The following XRN1 variants were observed in gnomAD, a reference collection of about 807,000 sequenced individuals.
XRN1 encodes the protein 5'-3' exoribonuclease 1, also known as strand-exchange protein 1 homolog.
In XRN1, 67 loss-of-function variants were observed where a neutral mutation model predicts 222.3. The ratio of observed to expected loss-of-function variants is 0.30; its 90% CI spans 0.25 to 0.37. The LOEUF (loss-of-function observed/expected upper bound fraction) is 0.37. Ranked by LOEUF, XRN1 falls within the 10% of genes least tolerant of loss-of-function variation. The pLI is 1.00. For synonymous variants in XRN1, 643 were observed against 652.4 expected, an observed-to-expected ratio of 0.99 and a Z score of 0.22; for missense variants, 1,707 against 2,000.2, an observed-to-expected ratio of 0.85 and a Z score of 2.80.
intron 29 of XRN1, among the ~76,000 whole-genome samples, chr3:142,360,603 G>A (rs567593852): frequency 4.0e-5 from 6 of 151,850 alleles, no homozygotes; most frequent in East Asian, 1.9e-4. Flanking sequence ...AGTGGCTCAC[G>A]CCTGTAATCC....
intron 36 of XRN1, among the ~76,000 whole-genome samples, chr3:142,330,273 A>G (rs1042342413): frequency 3.3e-5 from 5 of 152,210 alleles, no homozygotes; most frequent in African/African-American, 4.8e-5. Context: ...CAATTCTTGC[A>G]ATTCCACCTT....
chr3:142,410,140 C>A (rs1300113206), intron 15 of XRN1, among the ~76,000 whole-genome samples: 1 of 152,172 alleles, frequency 6.6e-6, no homozygotes, highest in African/African-American at 2.4e-5. Flanking sequence ...TCCAGTAAAA[C>A]GTTAGAAAGA....
In XRN1 at chr3:142,390,987, A is replaced by G. The variant is rs188415196; in HGVS notation, c.2340-6302T>C. Among the ~76,000 whole-genome samples, 37 of 152,342 alleles carry G rather than the reference A, an allele frequency of 2.4e-4. 1 individual carries two copies. In the Middle Eastern group the frequency reaches 0.01, roughly 42 times the overall value. ...AGCAGTCAGCACACACACAACATTT[A>G]TTGATTAATTCACCATCTCAAATGG... On this transcript the variant is annotated intron_variant, in intron 20 of 40. Transcript: ENST00000392981.
intron 29 of XRN1, 98 bp downstream of exon 29, chr3:142,364,949 T>G: frequency 7.8e-7 from 1 of 1,287,546 alleles, no homozygotes; most frequent in African/African-American, 1.6e-5. Flanking sequence ...GTTCCTGATT[T>G]ATAGTCACTT....
rs146166736 is a variant in XRN1 at position 142,431,473 on chromosome 3, G to A, written c.308+1188C>T. ...AGGTAGGCAGATCACTTGAGGTCAG[G>A]AGTTCAAGACCAGCCTGGCCAACAG... On this transcript the variant is annotated intron_variant, in intron 2 of 40. Coordinates refer to ENST00000392981, the MANE Select transcript of XRN1 (RefSeq NM_001282857.2). 5.1e-3 allele frequency among the ~76,000 whole-genome samples: 780 copies of A among 152,076 alleles called. 9 individuals are homozygous for A. Among genetic ancestry groups the A allele is most frequent in the African/African-American group, 0.018 (758 of 41,480 alleles).
In XRN1 at chr3:142,401,108, A is replaced by G. The variant is rs190042631; in HGVS notation, c.2104-561T>C. ...TTGACTGTTTCATATCAAATAGTCA[A>G]TTATTTAAAACAGGATCTAAGAAAT... On this transcript the variant is annotated intron_variant, in intron 18 of 40. Coordinates refer to ENST00000392981, the MANE Select transcript of XRN1 (RefSeq NM_001282857.2). Among the ~76,000 whole-genome samples, 342 of 152,288 alleles carry G rather than the reference A, an allele frequency of 2.2e-3. 1 individual carries two copies. The highest frequency in any genetic ancestry group is 3.9e-3 in the South Asian group (19 of 4,818).
intron 30 of XRN1, among the ~76,000 whole-genome samples, chr3:142,358,351 TAA>T (rs1559813420): frequency 6.6e-6 from 1 of 152,210 alleles, no homozygotes; most frequent in Non-Finnish European, 1.5e-5. Flanking sequence ...CTTCTCTTGT[TAA>T]GTTTTCAACT....
intron 20 of XRN1, among the ~76,000 whole-genome samples, chr3:142,390,693 C>T (rs1374952322): frequency 2.0e-5 from 3 of 152,198 alleles, no homozygotes; most frequent in Non-Finnish European, 2.9e-5. Flanking sequence ...TGGAGTAGCA[C>T]TTTTGATTTC....
At chr3:142,411,979 T>C (rs1440613511) in intron 15 of XRN1, among the ~76,000 whole-genome samples, 1 of 151,894 alleles carries the variant, frequency 6.6e-6, no homozygotes, top group East Asian at 1.9e-4. Flanking sequence ...CCCGCCACCT[T>C]GCCCGGCTAA....
At chr3:142,315,037 T>TGATCCTCCTGCCTCAACC (rs1287510449) in intron 39 of XRN1, among the ~76,000 whole-genome samples, 4 of 139,016 alleles carry the variant, frequency 2.9e-5, no homozygotes, top group Non-Finnish European at 6.1e-5. Context: ...CAGGCTCAAC[T>TGATCCTCCTGCCTCAACC]GATCCTCCTG....
rs879079453 is a variant in XRN1 at position 142,384,745 on chromosome 3, G to A, written c.2340-60C>T. The A allele has an allele frequency of 1.2e-5, 15 of 1,298,540 alleles. No homozygotes were observed. The South Asian group carries it at 1.8e-4, about 16-fold the overall frequency. 80.4% of individuals were successfully genotyped at this position (1,298,540 alleles called of 1,614,324 possible). A position where few individuals can be genotyped will look rare whatever the true frequency, so the allele number is the denominator to read the frequency against. ...AATGAGTATGCAGATATTCTAGGAC[G>A]ATAATCGTCAACTATCGTAAACTAT... On this transcript the variant is annotated intron_variant, in intron 20 of 40. Coordinates refer to ENST00000392981, the MANE Select transcript of XRN1 (RefSeq NM_001282857.2).
At chr3:142,373,582 A>C (rs995283477) in intron 25 of XRN1, among the ~76,000 whole-genome samples, 1 of 152,238 alleles carries the variant, frequency 6.6e-6, no homozygotes, top group South Asian at 2.1e-4. Context: ...AAGGTGCTAA[A>C]AAGATTTCAG....
chr3:142,384,052 C>T (rs947627566), intron 21 of XRN1, among the ~76,000 whole-genome samples: 4 of 151,964 alleles, frequency 2.6e-5, no homozygotes, highest in East Asian at 1.9e-4. Flanking sequence ...GGGTGGATCA[C>T]GAGGTCAGGA....
At chr3:142,416,327 G>A (rs1164046748) in intron 13 of XRN1, among the ~76,000 whole-genome samples, 1 of 152,114 alleles carries the variant, frequency 6.6e-6, no homozygotes. Flanking sequence ...GGACTACAGA[G>A]GCACACCACC....
In XRN1 at chr3:142,375,952, TA is replaced by T. The variant is rs2067128480; in HGVS notation, c.2832-9del. ...TTATGGTCTCCATGAGGGCTGAATT[TA>T]AACCACACATGCGCACACGTGCACA... On this transcript the variant is annotated splice_polypyrimidine_tract_variant and intron_variant, in intron 24 of 40. Transcript: ENST00000392981. 1 of 1,608,034 alleles carries T rather than the reference TA, an allele frequency of 6.2e-7. No individual in the cohort carries two copies. Among genetic ancestry groups the T allele is most frequent in the Non-Finnish European group, 8.5e-7 (1 of 1,178,248 alleles).
chr3:142,316,380 C>T (rs900803271), intron 39 of XRN1, among the ~76,000 whole-genome samples: 7 of 151,982 alleles, frequency 4.6e-5, no homozygotes, highest in African/African-American at 1.4e-4. Flanking sequence ...CCATGTCTGG[C>T]TACCTTTGTA....
chr3:142,425,814 G>C (rs945116552), intron 3 of XRN1, among the ~76,000 whole-genome samples: 2 of 151,982 alleles, frequency 1.3e-5, no homozygotes, highest in Non-Finnish European at 2.9e-5. Context: ...TCAGCACTGT[G>C]CTTCAGGAAT....
rs368287094 is a variant in XRN1, at chr3:142,391,905, G to C, written c.2339+5424C>G. The stretch of plus-strand genomic sequence containing the variant: ...ATTTTGATTCTATTTTTGCATATTT[G>C]TTTTTTGATTACTAGATCTGTCAGG... On this transcript the variant is annotated intron_variant, in intron 20 of 40. Transcript: ENST00000392981. Among the ~76,000 whole-genome samples the C allele has an allele frequency of 8.6e-5, 13 of 151,408 alleles. No individual in the cohort carries two copies. The East Asian group carries it at 1.6e-3, about 18-fold the overall frequency.
intron 20 of XRN1, among the ~76,000 whole-genome samples, chr3:142,385,869 C>G (rs115665941): frequency 6.6e-6 from 1 of 151,902 alleles, no homozygotes; most frequent in South Asian, 2.1e-4. Context: ...GCCCGTATTA[C>G]TACTCAGTCC....
Sources: gnomAD v4.1 joint callset for allele counts (sites outside exome capture counted in the v4.1 genomes callset) on GRCh38, gnomAD v4.1.1 for gene constraint, MANE v1.5 for transcripts, NCBI Gene and HGNC (gene_info 2026-07-23, HGNC 2026-07-21) for gene names.